The following ARID5B variants were observed in gnomAD, a reference collection of about 807,000 sequenced individuals.
ARID5B encodes the protein AT-rich interactive domain-containing protein 5B.
In ARID5B, 13 loss-of-function variants were observed where a neutral mutation model predicts 97.2. The ratio of observed to expected loss-of-function variants is 0.13; its 90% CI spans 0.09 to 0.21. The LOEUF (loss-of-function observed/expected upper bound fraction) is 0.21, where lower values mean the gene tolerates loss of function less well. ARID5B is among the 10% of genes least tolerant of loss of function. The pLI, the probability that ARID5B is intolerant of heterozygous loss-of-function variation, is 1.00. For missense variants in ARID5B, 1,210 were observed against 1,465.3 expected, an observed-to-expected ratio of 0.83 and a Z score of 2.84; for synonymous variants, 556 against 570.3, an observed-to-expected ratio of 0.97 and a Z score of 0.36.
chr10:61,964,329 C>G (rs1056096073), intron 3 of ARID5B, among the ~76,000 whole-genome samples: 2 of 152,142 alleles, frequency 1.3e-5, no homozygotes, highest in Non-Finnish European at 2.9e-5. Context: ...AGGGACGTCT[C>G]TCAGTATTTT....
intron 2 of ARID5B, among the ~76,000 whole-genome samples, chr10:61,928,202 C>T (rs16916869): frequency 0.037 from 5,690 of 152,262 alleles, 369 homozygotes; most frequent in African/African-American, 0.13. Context: ...TGAGCTGCTC[C>T]AGCCCAGGTT....
chr10:61,954,637 G>A (rs912541966), intron 3 of ARID5B, among the ~76,000 whole-genome samples: 2 of 152,170 alleles, frequency 1.3e-5, no homozygotes, highest in Non-Finnish European at 2.9e-5. Flanking sequence ...GGATGTGCAT[G>A]AGTAGGTGTG....
At chr10:62,066,290 T>G (rs1441965152) in intron 7 of ARID5B, among the ~76,000 whole-genome samples, 3 of 152,190 alleles carry the variant, frequency 2.0e-5, no homozygotes, top group Non-Finnish European at 4.4e-5. Context: ...CTAGAGTCCA[T>G]GGCTAGTGTT....
At chr10:62,035,340 A>G (rs1010623877) in intron 4 of ARID5B, among the ~76,000 whole-genome samples, 17 of 152,328 alleles carry the variant, frequency 1.1e-4, no homozygotes, top group Admixed American at 1.0e-3. Context: ...TTGTTTAGTA[A>G]ACGTTTATTG....
At chr10:62,055,658 T>C (rs1839846516) in intron 5 of ARID5B, among the ~76,000 whole-genome samples, 1 of 152,178 alleles carries the variant, frequency 6.6e-6, no homozygotes, top group African/African-American at 2.4e-5. Flanking sequence ...GGAAAATTGT[T>C]TTAGTCCCAT....
In ARID5B at chr10:61,913,398, A is replaced by G. The variant is rs1843842833; in HGVS notation, c.276+10985A>G. Among the ~76,000 whole-genome samples the G allele has an allele frequency of 2.6e-5, 4 of 152,372 alleles. No individual in the cohort carries two copies. In the South Asian group the frequency reaches 8.3e-4, roughly 32 times the overall value. On this transcript the variant is annotated intron_variant, in intron 2 of 9. Coordinates refer to ENST00000279873, the MANE Select transcript of ARID5B (RefSeq NM_032199.3). ...GACAATTCTGTAGACTCACAAGATAACAGATAAAAGAGACTGAGAAGAACA... is the reference window on the plus strand; with the variant it reads ...GACAATTCTGTAGACTCACAAGATAGCAGATAAAAGAGACTGAGAAGAACA...
intron 2 of ARID5B, among the ~76,000 whole-genome samples, chr10:61,923,436 C>T (rs191709121): frequency 7.2e-5 from 11 of 152,302 alleles, no homozygotes; most frequent in African/African-American, 1.7e-4. Context: ...CATGACTATC[C>T]GCTCTAGAGG....
intron 3 of ARID5B, among the ~76,000 whole-genome samples, chr10:61,966,852 T>C (rs1023723913): frequency 6.6e-6 from 1 of 152,190 alleles, no homozygotes; most frequent in African/African-American, 2.4e-5. Context: ...TTAAAAATAC[T>C]GCCTGCAGAC....
At chr10:62,023,077 T>A (rs1839376573) in intron 4 of ARID5B, among the ~76,000 whole-genome samples, 1 of 152,198 alleles carries the variant, frequency 6.6e-6, no homozygotes, top group Non-Finnish European at 1.5e-5. Flanking sequence ...CCAGCCCCTT[T>A]CCCAATACCT....
intron 4 of ARID5B, among the ~76,000 whole-genome samples, chr10:62,034,057 A>G (rs1186579913): frequency 6.6e-6 from 1 of 152,214 alleles, no homozygotes; most frequent in Non-Finnish European, 1.5e-5. Flanking sequence ...GGGCCATTTT[A>G]AATGGAGCGG....
chr10:62,024,478 G>A (rs949815592), intron 4 of ARID5B, among the ~76,000 whole-genome samples: 1 of 152,076 alleles, frequency 6.6e-6, no homozygotes, highest in African/African-American at 2.4e-5. Flanking sequence ...GTTTATAATA[G>A]CAATTACAAG....
At chr10:62,011,808 A>C (rs1340057251) in intron 4 of ARID5B, among the ~76,000 whole-genome samples, 1 of 152,214 alleles carries the variant, frequency 6.6e-6, no homozygotes, top group South Asian at 2.1e-4. Context: ...AATGAAGCTA[A>C]GGGGAAACCA....
chr10:61,959,740 C>T (rs557806262), intron 3 of ARID5B, among the ~76,000 whole-genome samples: 21 of 152,292 alleles, frequency 1.4e-4, no homozygotes, highest in Non-Finnish European at 2.8e-4. Context: ...GCCACTCAGG[C>T]ATCTCAGCTA....
intron 2 of ARID5B, among the ~76,000 whole-genome samples, chr10:61,909,529 G>A (rs1843767291): frequency 6.6e-6 from 1 of 152,032 alleles, no homozygotes; most frequent in Non-Finnish European, 1.5e-5. Context: ...GTTTCACCAT[G>A]TTGGCCAGGA....
At chr10:62,041,166 C>T (rs1229088070) in intron 4 of ARID5B, among the ~76,000 whole-genome samples, 1 of 152,148 alleles carries the variant, frequency 6.6e-6, no homozygotes, top group Admixed American at 6.6e-5. Context: ...TACCCTCACC[C>T]CACCCTGCTC....
chr10:61,950,698 A>AAAAT (rs1838311856), intron 3 of ARID5B, among the ~76,000 whole-genome samples: 1 of 152,318 alleles, frequency 6.6e-6, no homozygotes, highest in Admixed American at 6.5e-5. Context: ...CCTGTCTCCA[A>AAAAT]AAATAAATAA....
chr10:62,093,987 G>A lies in ARID5B; in HGVS notation c.*957G>A, dbSNP rs2132990542. The A allele has an allele frequency of 4.3e-6, 1 of 233,644 alleles. No homozygotes were observed. Among genetic ancestry groups the A allele is most frequent in the South Asian group, 1.8e-4 (1 of 5,528 alleles). The allele number at this position is 233,644 out of a possible 1,614,324, so 14.5% of individuals were successfully genotyped here. ...CTTACCCAGCCAAATGCTTTGCTTT[G>A]AAGTATTGGGTTCTGTGAAAATATT... On this transcript the variant is annotated 3_prime_UTR_variant, in exon 10 of 10. Coordinates refer to ENST00000279873, the MANE Select transcript of ARID5B (RefSeq NM_032199.3).
chr10:61,917,255 C>T (rs946426791), intron 2 of ARID5B, among the ~76,000 whole-genome samples: 1 of 151,828 alleles, frequency 6.6e-6, no homozygotes, highest in Non-Finnish European at 1.5e-5. Context: ...GAGATATTGA[C>T]AAATCTTTCC....
intron 4 of ARID5B, among the ~76,000 whole-genome samples, chr10:62,019,752 CT>C (rs1839330803): frequency 6.6e-6 from 1 of 152,186 alleles, no homozygotes; most frequent in Non-Finnish European, 1.5e-5. Context: ...CATTTAGGAG[CT>C]TGTTTCAGCC....
Sources: gnomAD v4.1 joint callset for allele counts (sites outside exome capture counted in the v4.1 genomes callset) on GRCh38, gnomAD v4.1.1 for gene constraint, MANE v1.5 for transcripts, NCBI Gene and HGNC (gene_info 2026-07-23, HGNC 2026-07-21) for gene names.